CEMIP2: variants seen among roughly 807,000 people sequenced by gnomAD.
CEMIP2 encodes the protein cell surface hyaluronidase CEMIP2.
CEMIP2 carries 79 observed loss-of-function variants against 146.9 expected under a neutral mutation model. The ratio of observed to expected loss-of-function variants is 0.54; its 90% CI spans 0.45 to 0.65. The LOEUF is 0.65. CEMIP2 is among the 30% of genes least tolerant of loss of function. The pLI is 0.00. For missense variants in CEMIP2, 1,596 were observed against 1,696.2 expected, an observed-to-expected ratio of 0.94 and a Z score of 1.04; for synonymous variants, 601 against 606.3, an observed-to-expected ratio of 0.99 and a Z score of 0.13.
chr9:71,728,231 C>CTCTCTCTA (rs1554684626), intron 10 of CEMIP2, among the ~76,000 whole-genome samples: 1 of 14,776 alleles, frequency 6.8e-5, no homozygotes, highest in African/African-American at 2.3e-4. Context: ...CTCTCTCTCT[C>CTCTCTCTA]TATATATATA....
chr9:71,766,730 G>A (rs1824807458), intron 1 of CEMIP2, among the ~76,000 whole-genome samples: 2 of 152,136 alleles, frequency 1.3e-5, no homozygotes, highest in East Asian at 1.9e-4. Context: ...CCACACACAG[G>A]AGAGTCCTCA....
chr9:71,753,295 G>A (rs553973085), intron 1 of CEMIP2, among the ~76,000 whole-genome samples: 5 of 152,222 alleles, frequency 3.3e-5, no homozygotes, highest in African/African-American at 1.2e-4. Flanking sequence ...GGGGTCTTTG[G>A]TGGGAGATAA....
chr9:71,735,657 C>T (rs1176462963), intron 5 of CEMIP2, among the ~76,000 whole-genome samples: 1 of 152,056 alleles, frequency 6.6e-6, no homozygotes, highest in East Asian at 1.9e-4. Context: ...GTGGTGTGTG[C>T]CTACATCCCC....
chr9:71,727,127 G>A (rs1823408724), intron 10 of CEMIP2, among the ~76,000 whole-genome samples: 1 of 152,192 alleles, frequency 6.6e-6, no homozygotes, highest in African/African-American at 2.4e-5. Context: ...GAATAAAAAG[G>A]ACGAACATAC....
In CEMIP2 at chr9:71,683,797, T is replaced by C. The variant is rs1563987996; in HGVS notation, c.*1400A>G. 1 of 152,676 alleles carries C rather than the reference T, an allele frequency of 6.5e-6. No homozygotes were observed. Among genetic ancestry groups the C allele is most frequent in the Non-Finnish European group, 1.5e-5 (1 of 68,058 alleles). 9.5% of individuals were successfully genotyped at this position (152,676 alleles called of 1,614,324 possible). A position where few individuals can be genotyped will look rare whatever the true frequency, so the allele number is the denominator to read the frequency against. On this transcript the variant is annotated 3_prime_UTR_variant, in exon 24 of 24. Transcript: ENST00000377044. ...TACAAAGGTAGAGGCCATCAGCCTT[T>C]GCCCCTAGAAGAGGAAAGTGAAATT...
chr9:71,758,699 C>T (rs1004615799), intron 1 of CEMIP2, among the ~76,000 whole-genome samples: 2 of 152,202 alleles, frequency 1.3e-5, no homozygotes, highest in Non-Finnish European at 2.9e-5. Context: ...TGCATTAATG[C>T]ATATTTTCTA....
chr9:71,731,959 G>A (rs576624280), intron 7 of CEMIP2, among the ~76,000 whole-genome samples: 1 of 152,174 alleles, frequency 6.6e-6, no homozygotes, highest in Non-Finnish European at 1.5e-5. Context: ...TTTTGCATGT[G>A]CTTGCTAGTA....
intron 1 of CEMIP2, among the ~76,000 whole-genome samples, chr9:71,761,330 G>A (rs112614708): frequency 4.3e-4 from 66 of 152,326 alleles, no homozygotes; most frequent in African/African-American, 1.5e-3. Flanking sequence ...AGACAACAGG[G>A]ATGTGTTTGA....
Position 71,745,165 on chromosome 9 carries a change from C to A in CEMIP2, c.887G>T (p.Arg296Leu). The part of the protein sequence containing the change: ...DTHEYRNESR[R>L]LQEFLRFQDP... Reference sequence around the variant, plus strand: ...CTGGAATCTCAGAAACTCCTGAAGCCGCCTGCTCTCATTGCGGTATTCATG... The same window carrying A: ...CTGGAATCTCAGAAACTCCTGAAGCAGCCTGCTCTCATTGCGGTATTCATG... The change falls in exon 4 of 24, where the codon CGG becomes CTG. Residue 296 changes from arginine (R) to leucine (L), a missense_variant. Coordinates refer to ENST00000377044, the MANE Select transcript of CEMIP2 (RefSeq NM_013390.3). 1.2e-6 allele frequency: 2 copies of A among 1,614,086 alleles called. No homozygotes were observed. The highest frequency in any genetic ancestry group is 4.5e-5 in the East Asian group (2 of 44,872).
At chr9:71,758,014 A>G (rs1824515594) in intron 1 of CEMIP2, among the ~76,000 whole-genome samples, 1 of 152,172 alleles carries the variant, frequency 6.6e-6, no homozygotes, top group Non-Finnish European at 1.5e-5. Context: ...GAGTTTGGGT[A>G]GGGAGGAATC....
chr9:71,687,998 A>G (rs1307337441), intron 22 of CEMIP2, among the ~76,000 whole-genome samples: 1 of 152,180 alleles, frequency 6.6e-6, no homozygotes, highest in Non-Finnish European at 1.5e-5. Context: ...GTGAGACTAC[A>G]GGTATGTGCC....
chr9:71,698,347 T>A (rs903293104), intron 19 of CEMIP2, 143 bp from the exon 20 acceptor site: 2 of 688,046 alleles, frequency 2.9e-6, no homozygotes, highest in Non-Finnish European at 4.8e-6. Flanking sequence ...TGAATAGTTA[T>A]TTCTGTTTTC....
chr9:71,689,693 A>T (rs1014792957), intron 22 of CEMIP2, among the ~76,000 whole-genome samples: 1 of 152,238 alleles, frequency 6.6e-6, no homozygotes, highest in Non-Finnish European at 1.5e-5. Context: ...ACTTCAAAAT[A>T]GTAATAAGCC....
At chr9:71,748,612 A>G (rs145840696) in intron 2 of CEMIP2, among the ~76,000 whole-genome samples, 264 of 152,338 alleles carry the variant, frequency 1.7e-3, no homozygotes, top group Non-Finnish European at 3.0e-3. Context: ...ATGAATCAGC[A>G]CAGTGAACTT....
chr9:71,689,575 A>G (rs1822166936), intron 22 of CEMIP2, among the ~76,000 whole-genome samples: 1 of 152,224 alleles, frequency 6.6e-6, no homozygotes, highest in South Asian at 2.1e-4. Flanking sequence ...TTTTCCAGTC[A>G]TTTCCAAGTG....
intron 7 of CEMIP2, chr9:71,731,122 T>C (rs910988282): frequency 1.7e-6 from 1 of 591,260 alleles, no homozygotes; most frequent in Non-Finnish European, 3.0e-6. Flanking sequence ...AAAAATAGCC[T>C]CCAATTAGGA....
At chr9:71,766,224 A>G (rs575646937) in intron 1 of CEMIP2, among the ~76,000 whole-genome samples, 1 of 151,158 alleles carries the variant, frequency 6.6e-6, no homozygotes, top group South Asian at 2.1e-4. Flanking sequence ...GTGCACCACC[A>G]CACCTGGCTA....
At chr9:71,695,599 G>A (rs555433139) in intron 20 of CEMIP2, among the ~76,000 whole-genome samples, 2 of 152,162 alleles carry the variant, frequency 1.3e-5, no homozygotes, top group Non-Finnish European at 2.9e-5. Context: ...GCTTGAGCCT[G>A]GGCGATGAAG....
At chr9:71,759,820 C>T (rs867581209) in intron 1 of CEMIP2, among the ~76,000 whole-genome samples, 5 of 4,210 alleles carry the variant, frequency 1.2e-3, no homozygotes, top group African/African-American at 3.3e-3. Context: ...TTGGGGGGTA[C>T]GGGGAGGTGG....
Sources: allele counts gnomAD v4.1 joint callset (sites outside exome capture counted in the v4.1 genomes callset), GRCh38; gene constraint gnomAD v4.1.1; transcripts MANE v1.5; gene names NCBI Gene and HGNC (gene_info 2026-07-23, HGNC 2026-07-21).